Variants in EFCAB6 observed in about 807,000 individuals in gnomAD.
EFCAB6 encodes EF-hand calcium-binding domain-containing protein 6.
A neutral mutation model predicts 169.8 loss-of-function variants in EFCAB6; 156 were observed. The ratio of observed to expected loss-of-function variants is 0.92; its 90% CI spans 0.81 to 1.05. EFCAB6 has a LOEUF of 1.05. EFCAB6 is among the 50% of genes least tolerant of loss of function. EFCAB6 has a pLI of 0.00. For synonymous variants in EFCAB6, 698 were observed against 676.4 expected, an observed-to-expected ratio of 1.03 and a Z score of -0.50; for missense variants, 1,800 against 1,829.1, an observed-to-expected ratio of 0.98 and a Z score of 0.29.
At position 43,567,336 on chromosome 22, in the gene EFCAB6, C is replaced by T. The variant is rs555587915; in HGVS notation, c.3420+8961G>A. On this transcript the variant is annotated intron_variant, in intron 26 of 31. Coordinates refer to ENST00000262726, the MANE Select transcript of EFCAB6 (RefSeq NM_022785.4). ...GCCACCCTTCCACCCTTTAATGATT[C>T]AATAAATTCATGGGTGAAGTCATTT... is the stretch of plus-strand genomic sequence containing the variant. Among the ~76,000 whole-genome samples, 165 of 152,256 alleles carry T rather than the reference C, an allele frequency of 1.1e-3. 1 individual carries two copies. The highest frequency in any genetic ancestry group is 3.8e-3 in the African/African-American group (156 of 41,524).
At chr22:43,632,039 C>T in intron 19 of EFCAB6, 66 bp downstream of exon 19, 1 of 1,585,418 alleles carries the variant, frequency 6.3e-7, no homozygotes, top group Non-Finnish European at 8.6e-7. Context: ...CTCACACCCA[C>T]TTGGGCTGCG....
intron 4 of EFCAB6, among the ~76,000 whole-genome samples, chr22:43,771,466 A>C (rs967257511): frequency 2.0e-5 from 3 of 152,038 alleles, no homozygotes; most frequent in African/African-American, 7.2e-5. Context: ...ATTTAAAAAA[A>C]CTAATGAATG....
chr22:43,598,579 AT>A (rs2052240132), intron 23 of EFCAB6, among the ~76,000 whole-genome samples: 1 of 152,198 alleles, frequency 6.6e-6, no homozygotes, highest in South Asian at 2.1e-4. Context: ...GAAGTACACA[AT>A]AATTTTATTG....
intron 23 of EFCAB6, among the ~76,000 whole-genome samples, chr22:43,598,826 AATTTGTAGAAAG>A (rs2052258151): frequency 6.6e-6 from 1 of 152,208 alleles, no homozygotes; most frequent in Admixed American, 6.5e-5. Flanking sequence ...AGATTTGTAG[AATTTGTAGAAAG>A]ATAAATGTTT....
chr22:43,767,944 T>C (rs2061365324), intron 4 of EFCAB6, among the ~76,000 whole-genome samples: 1 of 152,212 alleles, frequency 6.6e-6, no homozygotes, highest in Non-Finnish European at 1.5e-5. Flanking sequence ...ATCAAAACCA[T>C]CTATAGACGA....
At chr22:43,610,639 T>G (rs1261722046) in intron 21 of EFCAB6, among the ~76,000 whole-genome samples, 1 of 152,236 alleles carries the variant, frequency 6.6e-6, no homozygotes, top group Non-Finnish European at 1.5e-5. Context: ...ATTCTTTTCC[T>G]TCACCTGAAT....
chr22:43,682,590 C>G (rs993462453), intron 12 of EFCAB6, among the ~76,000 whole-genome samples: 5 of 152,176 alleles, frequency 3.3e-5, no homozygotes, highest in African/African-American at 7.2e-5. Flanking sequence ...CTGACCAGTG[C>G]TGGAGTGTGG....
In EFCAB6 at chr22:43,540,326, T is replaced by C. The variant is rs776584159; in HGVS notation, c.3680A>G (p.Asn1227Ser). 54 of 1,614,042 alleles carry C rather than the reference T, an allele frequency of 3.3e-5. No homozygotes were observed. Among genetic ancestry groups the C allele is most frequent in the Non-Finnish European group, 4.2e-5 (49 of 1,180,046 alleles). The change falls in exon 28 of 32, where the codon AAT (asparagine) becomes AGT (serine). Residue 1227 changes from asparagine (N) to serine (S), a missense_variant. Asn to Ser is a conservative substitution (Grantham distance 46). Coordinates refer to ENST00000262726, the MANE Select transcript of EFCAB6 (RefSeq NM_022785.4). ...CGGGTATTTCAGCCTCCCCTTGGCATTGACTGGCATCTCGTTCCAGAGTCT... is the reference window on the plus strand; with the variant it reads ...CGGGTATTTCAGCCTCCCCTTGGCACTGACTGGCATCTCGTTCCAGAGTCT... Reference protein sequence around the residue: ...FDRLWNEMPVNAKGRLKYPDF... With the variant: ...FDRLWNEMPVSAKGRLKYPDF...
At chr22:43,616,441 T>C (rs2053693713) in intron 20 of EFCAB6, among the ~76,000 whole-genome samples, 1 of 152,214 alleles carries the variant, frequency 6.6e-6, no homozygotes, top group Non-Finnish European at 1.5e-5. Flanking sequence ...GGCGGGTGGA[T>C]GACTTGAGGT....
intron 17 of EFCAB6, among the ~76,000 whole-genome samples, chr22:43,659,794 T>C (rs2056917525): frequency 1.3e-5 from 2 of 152,226 alleles, no homozygotes; most frequent in Non-Finnish European, 2.9e-5. Context: ...GCAAATTCTC[T>C]GGATATGTGA....
intron 10 of EFCAB6, among the ~76,000 whole-genome samples, chr22:43,688,635 GAAT>G (rs1232100255): frequency 6.6e-6 from 1 of 152,156 alleles, no homozygotes; most frequent in Non-Finnish European, 1.5e-5. Context: ...TGTAACATGA[GAAT>G]AATACCACCT....
intron 26 of EFCAB6, among the ~76,000 whole-genome samples, chr22:43,563,908 G>A (rs183608740): frequency 5.2e-4 from 79 of 152,334 alleles, no homozygotes; most frequent in African/African-American, 1.8e-3. Context: ...ACAGAACTGC[G>A]TCTCTTGACC....
At chr22:43,642,682 G>T (rs1362592006) in intron 17 of EFCAB6, among the ~76,000 whole-genome samples, 3 of 152,268 alleles carry the variant, frequency 2.0e-5, no homozygotes, top group African/African-American at 7.2e-5. Context: ...AAACTCTTTT[G>T]GCAAATGCTT....
chr22:43,673,845 A>C (rs188273765), intron 13 of EFCAB6, among the ~76,000 whole-genome samples: 59 of 152,060 alleles, frequency 3.9e-4, no homozygotes, highest in African/African-American at 1.2e-3. Flanking sequence ...CAGTATGTTA[A>C]TAAGTGACAA....
At chr22:43,672,422 T>G in intron 13 of EFCAB6, 117 bp from the exon 14 acceptor site, 2 of 1,049,046 alleles carry the variant, frequency 1.9e-6, no homozygotes, top group Non-Finnish European at 1.4e-6. Context: ...GCCATTAGCT[T>G]TGAGACCTTG....
intron 26 of EFCAB6, among the ~76,000 whole-genome samples, chr22:43,559,069 T>C (rs2048874524): frequency 6.6e-6 from 1 of 151,988 alleles, no homozygotes. Flanking sequence ...ATCATCAGAG[T>C]GAACAGGCAA....
At chr22:43,714,297 C>G (rs2059256043) in intron 9 of EFCAB6, among the ~76,000 whole-genome samples, 1 of 151,496 alleles carries the variant, frequency 6.6e-6, no homozygotes, top group African/African-American at 2.4e-5. Context: ...CAAAGATGAT[C>G]CAATATAAGG....
intron 2 of EFCAB6, among the ~76,000 whole-genome samples, chr22:43,807,269 G>A (rs1433405675): frequency 6.6e-6 from 1 of 152,202 alleles, no homozygotes; most frequent in Non-Finnish European, 1.5e-5. Context: ...GAGGAGTTCT[G>A]TAGCTCACCC....
chr22:43,537,592 C>T lies in EFCAB6; in HGVS notation c.3880-47G>A, dbSNP rs369651827. On this transcript the variant is annotated intron_variant, in intron 28 of 31. Transcript: ENST00000262726. This position sits in a 1 kb window ranked among gnomAD's most constrained non-coding sequence, Gnocchi z 4.3. ...GGCTCTTTTCACTTAAGATTTAAAA[C>T]GGAAGTCATCAAAAATACCTCAATA... 1.9e-5 allele frequency: 30 copies of T among 1,559,754 alleles called. No homozygotes were observed. Among genetic ancestry groups the T allele is most frequent in the Admixed American group, 1.5e-4 (8 of 52,880 alleles).
Sources: allele counts gnomAD v4.1 joint callset (sites outside exome capture counted in the v4.1 genomes callset), GRCh38; gene constraint gnomAD v4.1.1; non-coding constraint Gnocchi (gnomAD v3.1); transcripts MANE v1.5; gene names NCBI Gene and HGNC (gene_info 2026-07-23, HGNC 2026-07-21).